The following PTPRK variants were observed in gnomAD, a reference collection of about 807,000 sequenced individuals.
The protein encoded by PTPRK is protein tyrosine phosphatase receptor type K, also known as receptor-type tyrosine-protein phosphatase kappa.
A neutral mutation model predicts 178.0 loss-of-function variants in PTPRK; 75 were observed. That is an observed-to-expected ratio of 0.42 (90% CI 0.35 to 0.51). The LOEUF (loss-of-function observed/expected upper bound fraction) is 0.51, where lower values mean the gene tolerates loss of function less well. Ranked by LOEUF, PTPRK falls within the 20% of genes least tolerant of loss-of-function variation. PTPRK has a pLI of 0.02. For synonymous variants in PTPRK, 637 were observed against 620.6 expected, an observed-to-expected ratio of 1.03 and a Z score of -0.39; for missense variants, 1,441 against 1,797.8, an observed-to-expected ratio of 0.80 and a Z score of 3.59.
At chr6:128,083,387 T>C (rs1307999408) in intron 9 of PTPRK, among the ~76,000 whole-genome samples, 3 of 152,038 alleles carry the variant, frequency 2.0e-5, no homozygotes, top group Non-Finnish European at 4.4e-5. Context: ...CTTAAATTTA[T>C]AAAAAGGAAA....
chr6:128,135,070 T>C (rs1018911084), intron 7 of PTPRK, among the ~76,000 whole-genome samples: 1 of 132,906 alleles, frequency 7.5e-6, no homozygotes, highest in Non-Finnish European at 1.5e-5. Context: ...TTAAAATTAA[T>C]CATTCAATCA....
chr6:127,977,188 T>C, intron 25 of PTPRK, 134 bp from the exon 26 acceptor site: 1 of 834,650 alleles, frequency 1.2e-6, no homozygotes, highest in Non-Finnish European at 1.9e-6. Context: ...GCCAGAGTGA[T>C]GATTAAACCA....
chr6:128,067,449 G>A (rs1462749517), intron 12 of PTPRK, 70 bp downstream of exon 12: 5 of 1,385,024 alleles, frequency 3.6e-6, no homozygotes, highest in Non-Finnish European at 4.8e-6. Flanking sequence ...GGATGCTACT[G>A]AGTATTCATA....
At chr6:128,194,034 G>T (rs1804375967) in intron 6 of PTPRK, among the ~76,000 whole-genome samples, 1 of 148,058 alleles carries the variant, frequency 6.8e-6, no homozygotes, top group African/African-American at 2.5e-5. Context: ...AATTGGTTTA[G>T]AATGATAAAT....
At chr6:128,141,906 G>A (rs1166900638) in intron 7 of PTPRK, among the ~76,000 whole-genome samples, 5 of 151,688 alleles carry the variant, frequency 3.3e-5, no homozygotes, top group South Asian at 2.1e-4. Flanking sequence ...AAGACTGTTC[G>A]TTTTTAAACA....
intron 2 of PTPRK, among the ~76,000 whole-genome samples, chr6:128,360,489 T>C (rs1394708732): frequency 6.6e-6 from 1 of 152,176 alleles, no homozygotes; most frequent in Non-Finnish European, 1.5e-5. Flanking sequence ...ACAGCTGCTA[T>C]TATATAACGT....
chr6:128,049,625 C>A (rs1778657722), intron 13 of PTPRK, among the ~76,000 whole-genome samples: 1 of 151,894 alleles, frequency 6.6e-6, no homozygotes, highest in African/African-American at 2.4e-5. Context: ...TTTAAAGATT[C>A]TTTAAGTAAA....
At chr6:128,212,997 T>C (rs1262974107) in intron 6 of PTPRK, among the ~76,000 whole-genome samples, 1 of 152,030 alleles carries the variant, frequency 6.6e-6, no homozygotes, top group Non-Finnish European at 1.5e-5. Flanking sequence ...TCAGTAATTA[T>C]ATGAAGTCCC....
rs150460178 is a variant in PTPRK, at chr6:128,067,675, C to T, written c.2001G>A (p.Pro667=). 3,150 of 1,613,636 alleles carry T rather than the reference C, an allele frequency of 2.0e-3. 7 individuals are homozygous for T. Among genetic ancestry groups the T allele is most frequent in the Non-Finnish European group, 2.2e-3 (2,592 of 1,179,712 alleles). Residue 667 remains proline (P), a synonymous_variant, in exon 12 of 30, where the codon CCG becomes CCA. Coordinates refer to ENST00000368226, the MANE Select transcript of PTPRK (RefSeq NM_002844.4). ...TYQNAMSGGA[P]YYFAAELPPG... is the part of the protein sequence containing the mutation. ...GGGGGAGTTCTGCAGCAAAGTAATA[C>T]GGTGCACCCCCACTCATGGCATTTT...
intron 13 of PTPRK, among the ~76,000 whole-genome samples, chr6:128,010,931 C>A (rs879747246): frequency 4.6e-5 from 7 of 151,080 alleles, no homozygotes; most frequent in Non-Finnish European, 1.0e-4. Flanking sequence ...TAATTATGAA[C>A]AGAGATACCT....
chr6:128,302,391 C>CAAAAA lies in PTPRK; in HGVS notation c.495+19643_495+19647dup, dbSNP rs534525238. 2.9e-3 allele frequency among the ~76,000 whole-genome samples: 89 copies of CAAAAA among 30,932 alleles called. 3 individuals carry two copies. Among genetic ancestry groups the CAAAAA allele is most frequent in the African/African-American group, 4.9e-3 (83 of 16,876 alleles). 20.3% of individuals were successfully genotyped at this position (30,932 alleles called of 152,430 possible). A position where few individuals can be genotyped will look rare whatever the true frequency, so the allele number is the denominator to read the frequency against. Reference sequence around the variant, plus strand: ...TGGGCGACAGAGGAAGACTCAATTCCAAAAAAAAAAAAAAAAAAAAAAAAA... The same window carrying CAAAAA: ...TGGGCGACAGAGGAAGACTCAATTCCAAAAAAAAAAAAAAAAAAAAAAAAAAAAAA... On this transcript the variant is annotated intron_variant, in intron 3 of 29. Coordinates refer to ENST00000368226, the MANE Select transcript of PTPRK (RefSeq NM_002844.4).
At chr6:128,377,832 C>T (rs1006091763) in intron 2 of PTPRK, among the ~76,000 whole-genome samples, 1 of 151,782 alleles carries the variant, frequency 6.6e-6, no homozygotes, top group Admixed American at 6.6e-5. Context: ...AAAATGAGAA[C>T]TACATGTAAT....
intron 3 of PTPRK, among the ~76,000 whole-genome samples, chr6:128,306,660 G>T (rs974346098): frequency 1.3e-5 from 2 of 152,032 alleles, no homozygotes; most frequent in African/African-American, 4.8e-5. Context: ...AGCCGGGTGT[G>T]GTGGCATGTG....
Position 128,148,141 on chromosome 6 carries a change from T to C in PTPRK, c.1162+36291A>G, listed in dbSNP as rs143317597. Among the ~76,000 whole-genome samples, 265 of 152,248 alleles carry C rather than the reference T, an allele frequency of 1.7e-3. 1 individual carries two copies. Among genetic ancestry groups the C allele is most frequent in the African/African-American group, 6.0e-3 (251 of 41,564 alleles). ...ACAGCATGTGAAGTTCACTTGTCTATGTCATATATTAAGAGGGGCACTGAT... is the reference window on the plus strand; with the variant it reads ...ACAGCATGTGAAGTTCACTTGTCTACGTCATATATTAAGAGGGGCACTGAT... On this transcript the variant is annotated intron_variant, in intron 7 of 29. Coordinates refer to ENST00000368226, the MANE Select transcript of PTPRK (RefSeq NM_002844.4).
At position 128,444,502 on chromosome 6, in the gene PTPRK, G is replaced by GT. The variant is rs1220260190; in HGVS notation, c.101-46815dup. 2.0e-5 allele frequency among the ~76,000 whole-genome samples: 3 copies of GT among 151,958 alleles called. No homozygotes were observed. The East Asian group carries it at 5.8e-4, about 29-fold the overall frequency. Reference sequence around the variant, plus strand: ...CATGCTGTATTCAGAAGTAAGCCCAGTTATATGCTGAGCCCTCTTTCCCTC... The same window carrying GT: ...CATGCTGTATTCAGAAGTAAGCCCAGTTTATATGCTGAGCCCTCTTTCCCTC... On this transcript the variant is annotated intron_variant, in intron 1 of 29. Transcript: ENST00000368226.
chr6:128,251,692 AT>A (rs1562872351), intron 3 of PTPRK, among the ~76,000 whole-genome samples: 1 of 152,194 alleles, frequency 6.6e-6, no homozygotes, highest in Non-Finnish European at 1.5e-5. Context: ...ACACATACAT[AT>A]ATACACGTGC....
chr6:128,407,657 AAG>A (rs1445726645), intron 1 of PTPRK, among the ~76,000 whole-genome samples: 30 of 104,384 alleles, frequency 2.9e-4, no homozygotes, highest in African/African-American at 1.0e-3. Flanking sequence ...AAAAAAAAAG[AAG>A]AAGAAGAAGA....
chr6:128,211,226 T>A lies in PTPRK; in HGVS notation c.868+7696A>T, dbSNP rs188832136. Among the ~76,000 whole-genome samples, 27 of 152,298 alleles carry A rather than the reference T, an allele frequency of 1.8e-4. No homozygotes were observed. In the East Asian group the frequency reaches 1.9e-3, roughly 11 times the overall value. ...CCGCCATATTTTCTGCCATATTATT[T>A]AATTTCTGTCCAGCTCTCCGTCCCC... On this transcript the variant is annotated intron_variant, in intron 6 of 29. Transcript: ENST00000368226.
Position 128,268,915 on chromosome 6 carries a change from G to A in PTPRK, c.496-26313C>T, listed in dbSNP as rs114758234. 9.4e-3 allele frequency among the ~76,000 whole-genome samples: 1,423 copies of A among 152,082 alleles called. 18 individuals are homozygous for A. The highest frequency in any genetic ancestry group is 0.032 in the African/African-American group (1,347 of 41,524). The stretch of plus-strand genomic sequence containing the variant: ...ACCAACACATAGGTAAATAAACACA[G>A]AGGATTTAAATATTCTATTGAGAGA... On this transcript the variant is annotated intron_variant, in intron 3 of 29. Coordinates refer to ENST00000368226, the MANE Select transcript of PTPRK (RefSeq NM_002844.4).
Sources: gnomAD v4.1 joint callset for allele counts (sites outside exome capture counted in the v4.1 genomes callset) on GRCh38, gnomAD v4.1.1 for gene constraint, MANE v1.5 for transcripts, NCBI Gene and HGNC (gene_info 2026-07-23, HGNC 2026-07-21) for gene names.